The following CPQ variants were observed in gnomAD, a reference collection of about 807,000 sequenced individuals.
The protein encoded by CPQ is carboxypeptidase Q.
In CPQ, 37 loss-of-function variants were observed where a neutral mutation model predicts 45.7. That is an observed-to-expected ratio of 0.81 (90% CI 0.62 to 1.07). The LOEUF (loss-of-function observed/expected upper bound fraction) is 1.07, where lower values mean the gene tolerates loss of function less well. CPQ is among the 50% of genes least tolerant of loss of function. The pLI is 0.00. For synonymous variants in CPQ, 186 were observed against 205.8 expected (o/e 0.90, Z 0.82); for missense variants, 537 against 572.9 (o/e 0.94, Z 0.64).
At chr8:96,719,676 CA>C (rs1334025348) in intron 1 of CPQ, among the ~76,000 whole-genome samples, 2 of 152,238 alleles carry the variant, frequency 1.3e-5, no homozygotes, top group Non-Finnish European at 2.9e-5. Flanking sequence ...TGTCAGCTGG[CA>C]GACTTCTGTG....
chr8:96,778,726 ATTAAT>A (rs1233328182), intron 1 of CPQ, among the ~76,000 whole-genome samples: 1 of 152,168 alleles, frequency 6.6e-6, no homozygotes, highest in Non-Finnish European at 1.5e-5. Context: ...TAGTATCAAA[ATTAAT>A]TTAATTGACC....
At chr8:96,687,872 T>A (rs1809252971) in intron 1 of CPQ, among the ~76,000 whole-genome samples, 1 of 151,978 alleles carries the variant, frequency 6.6e-6, no homozygotes, top group Non-Finnish European at 1.5e-5. Flanking sequence ...CTGTCAAAGT[T>A]TTTTTTTGTT....
At chr8:96,712,259 CTG>C (rs1809616710) in intron 1 of CPQ, among the ~76,000 whole-genome samples, 1 of 152,132 alleles carries the variant, frequency 6.6e-6, no homozygotes, top group South Asian at 2.1e-4. Flanking sequence ...TGATGAGTGT[CTG>C]TGGTTTTCTA....
At position 97,109,868 on chromosome 8, in the gene CPQ, C is replaced by A. The variant is rs193032026; in HGVS notation, c.1256-33152C>A. On this transcript the variant is annotated intron_variant, in intron 7 of 7. Coordinates refer to ENST00000220763, the MANE Select transcript of CPQ (RefSeq NM_016134.4). Reference sequence around the variant, plus strand: ...AGCTCCCTACCTTCTATCTCCATTTCTTCCTCCTTCTTTGCCTTCCCCCCA... The same window carrying A: ...AGCTCCCTACCTTCTATCTCCATTTATTCCTCCTTCTTTGCCTTCCCCCCA... 6.6e-5 allele frequency among the ~76,000 whole-genome samples: 10 copies of A among 152,248 alleles called. No homozygotes were observed. In the East Asian group the frequency reaches 1.7e-3, roughly 26 times the overall value.
intron 5 of CPQ, among the ~76,000 whole-genome samples, chr8:97,027,012 T>TA (rs556763267): frequency 1.2e-3 from 181 of 152,176 alleles, no homozygotes; most frequent in African/African-American, 4.1e-3. Flanking sequence ...CGGAGATATG[T>TA]AAAAAAAAGT....
chr8:97,139,312 A>G (rs185451942), intron 7 of CPQ, among the ~76,000 whole-genome samples: 53 of 152,278 alleles, frequency 3.5e-4, no homozygotes, highest in Admixed American at 1.5e-3. Flanking sequence ...CACACATCTC[A>G]CAGAGGGACA....
At chr8:96,824,743 G>C (rs1166718349) in intron 2 of CPQ, among the ~76,000 whole-genome samples, 2 of 152,052 alleles carry the variant, frequency 1.3e-5, no homozygotes, top group East Asian at 3.9e-4. Context: ...TATTACTGTT[G>C]TTAAATGGAT....
chr8:96,702,612 A>C (rs930694662), intron 1 of CPQ, among the ~76,000 whole-genome samples: 2 of 152,192 alleles, frequency 1.3e-5, no homozygotes, highest in Non-Finnish European at 2.9e-5. Context: ...CCACAAACTC[A>C]TGAGGTAGGC....
intron 4 of CPQ, among the ~76,000 whole-genome samples, chr8:96,956,552 A>T (rs925992060): frequency 6.6e-6 from 1 of 152,152 alleles, no homozygotes; most frequent in South Asian, 2.1e-4. Context: ...AATGGAAAAG[A>T]AGAGTTTTTC....
intron 7 of CPQ, among the ~76,000 whole-genome samples, chr8:97,112,319 G>C (rs1399853675): frequency 6.6e-6 from 1 of 152,068 alleles, no homozygotes; most frequent in Non-Finnish European, 1.5e-5. Context: ...CTTAGTAAAA[G>C]TACAAGGACT....
intron 5 of CPQ, among the ~76,000 whole-genome samples, chr8:97,012,196 T>G (rs1157978786): frequency 6.6e-6 from 1 of 152,214 alleles, no homozygotes; most frequent in Non-Finnish European, 1.5e-5. Flanking sequence ...TTGCAATGAT[T>G]GCGGCATTTA....
intron 5 of CPQ, among the ~76,000 whole-genome samples, chr8:96,973,914 C>A (rs1404483333): frequency 6.6e-6 from 1 of 152,154 alleles, no homozygotes; most frequent in African/African-American, 2.4e-5. Context: ...AAAATAGAAT[C>A]TCCTTAAAGC....
chr8:97,076,015 GTTGT>G lies in CPQ; in HGVS notation c.1255+9820_1255+9823del, dbSNP rs749971200. On this transcript the variant is annotated intron_variant, in intron 7 of 7. Coordinates refer to ENST00000220763, the MANE Select transcript of CPQ (RefSeq NM_016134.4). ...CTTGGTTTTATTTGTTTTTGTTTTTGTTGTTTGTTTGTTTGTTTTTTGTTTTTTG... is the reference window on the plus strand; with the variant it reads ...CTTGGTTTTATTTGTTTTTGTTTTTGTTGTTTGTTTGTTTTTTGTTTTTTG... Among the ~76,000 whole-genome samples, 749 of 151,934 alleles carry G rather than the reference GTTGT, an allele frequency of 4.9e-3. 6 individuals are homozygous for G. Among genetic ancestry groups the G allele is most frequent in the African/African-American group, 0.017 (695 of 41,492 alleles).
At chr8:96,814,122 C>G (rs1254814379) in intron 2 of CPQ, among the ~76,000 whole-genome samples, 1 of 151,880 alleles carries the variant, frequency 6.6e-6, no homozygotes, top group Non-Finnish European at 1.5e-5. Flanking sequence ...ATTCTGTCCA[C>G]TTACCTAAAT....
chr8:96,738,751 A>G (rs1330507688), intron 1 of CPQ, among the ~76,000 whole-genome samples: 1 of 152,082 alleles, frequency 6.6e-6, no homozygotes, highest in Non-Finnish European at 1.5e-5. Flanking sequence ...GAGAATGATG[A>G]TTTCCAATTT....
intron 3 of CPQ, among the ~76,000 whole-genome samples, chr8:96,879,023 A>G (rs978084881): frequency 6.6e-6 from 1 of 152,164 alleles, no homozygotes; most frequent in African/African-American, 2.4e-5. Flanking sequence ...AATTTTAGAA[A>G]ATGACTTTGA....
intron 7 of CPQ, among the ~76,000 whole-genome samples, chr8:97,139,581 GA>G (rs1246529803): frequency 2.0e-5 from 3 of 151,666 alleles, no homozygotes; most frequent in Non-Finnish European, 4.4e-5. Flanking sequence ...AATCAATAAT[GA>G]AAAAAATAAC....
rs1263997843 is a variant in CPQ, at chr8:97,105,280, A to C, written c.1256-37740A>C. ...CTACCTTCTGCCTCTGAATTTGACAACTCTGGATACCTCATCTAAGTGGAA... is the reference window on the plus strand; with the variant it reads ...CTACCTTCTGCCTCTGAATTTGACACCTCTGGATACCTCATCTAAGTGGAA... On this transcript the variant is annotated intron_variant, in intron 7 of 7. Coordinates refer to ENST00000220763, the MANE Select transcript of CPQ (RefSeq NM_016134.4). Among the ~76,000 whole-genome samples, 4 of 151,978 alleles carry C rather than the reference A, an allele frequency of 2.6e-5. No homozygotes were observed. In the East Asian group the frequency reaches 7.7e-4, roughly 29 times the overall value.
At chr8:96,656,748 T>A (rs1038758910) in intron 1 of CPQ, among the ~76,000 whole-genome samples, 8 of 152,218 alleles carry the variant, frequency 5.3e-5, no homozygotes, top group Non-Finnish European at 8.8e-5. Context: ...TCTCATCATG[T>A]TTCTGTGAAC....
Sources: allele counts gnomAD v4.1 joint callset (sites outside exome capture counted in the v4.1 genomes callset), GRCh38; gene constraint gnomAD v4.1.1; transcripts MANE v1.5; gene names NCBI Gene and HGNC (gene_info 2026-07-23, HGNC 2026-07-21).